DDX43: variants seen among roughly 807,000 people sequenced by gnomAD.
DDX43 encodes the protein DEAD-box helicase 43, also known as probable ATP-dependent RNA helicase DDX43.
In DDX43, 50 loss-of-function variants were observed where a neutral mutation model predicts 84.9. The ratio of observed to expected loss-of-function variants is 0.59; its 90% CI spans 0.47 to 0.75. The LOEUF (loss-of-function observed/expected upper bound fraction) is 0.75. DDX43 is among the 30% of genes least tolerant of loss of function. The pLI is 0.00. For missense variants in DDX43, 689 were observed against 798.6 expected (o/e 0.86, Z 1.65); for synonymous variants, 291 against 266.3 (o/e 1.09, Z -0.90).
At chr6:73,395,617 TAAA>T (rs760280152) in intron 1 of DDX43, among the ~76,000 whole-genome samples, 3 of 133,604 alleles carry the variant, frequency 2.2e-5, no homozygotes, top group Admixed American at 1.5e-4. Context: ...CCGTCTCAAT[TAAA>T]AAAAAAAAAA....
At position 73,412,356 on chromosome 6, in the gene DDX43, T is replaced by G. The variant is rs564559918; in HGVS notation, c.1368+64T>G. On this transcript the variant is annotated intron_variant, in intron 11 of 16. Coordinates refer to ENST00000370336, the MANE Select transcript of DDX43 (RefSeq NM_018665.3). ...TGAAAATTCTGAAGATAGCTAATTT[T>G]GGTGTGCCTAGTCTGCCCACTCCCC... The G allele has an allele frequency of 9.4e-5, 135 of 1,430,740 alleles. No individual in the cohort carries two copies. In the African/African-American group the frequency reaches 1.8e-3, roughly 19 times the overall value. 88.6% of individuals were successfully genotyped at this position (1,430,740 alleles called of 1,614,324 possible). A position where few individuals can be genotyped will look rare whatever the true frequency, so the allele number is the denominator to read the frequency against.
Position 73,412,637 on chromosome 6 carries a change from T to G in DDX43, c.1368+345T>G, listed in dbSNP as rs1200535020. 4.7e-4 allele frequency among the ~76,000 whole-genome samples: 17 copies of G among 35,902 alleles called. No individual in the cohort carries two copies. The East Asian group carries it at 5.2e-3, about 11-fold the overall frequency. 23.6% of individuals were successfully genotyped at this position (35,902 alleles called of 152,430 possible). On this transcript the variant is annotated intron_variant, in intron 11 of 16. Coordinates refer to ENST00000370336, the MANE Select transcript of DDX43 (RefSeq NM_018665.3). ...CCTGGGTTCAAGTGATATATATATATAGTGTGTGTGTGTGTGTGTGTGTGT... is the reference window on the plus strand; with the variant it reads ...CCTGGGTTCAAGTGATATATATATAGAGTGTGTGTGTGTGTGTGTGTGTGT...
chr6:73,410,224 C>T (rs1769757887), intron 10 of DDX43, among the ~76,000 whole-genome samples: 1 of 152,104 alleles, frequency 6.6e-6, no homozygotes, highest in Non-Finnish European at 1.5e-5. Flanking sequence ...TGGAGTGCAG[C>T]AGCGCGATCT....
In DDX43 at chr6:73,412,311, C is replaced by T. The variant is rs1262123444; in HGVS notation, c.1368+19C>T. 1 of 1,585,400 alleles carries T rather than the reference C, an allele frequency of 6.3e-7. No homozygotes were observed. The highest frequency in any genetic ancestry group is 8.6e-7 in the Non-Finnish European group (1 of 1,162,768). ...TCTAGTTGTAAGCTTTTTTTTATTA[C>T]TATTGTTTAACATTTCTTATGAAAA... On this transcript the variant is annotated intron_variant, in intron 11 of 16. Coordinates refer to ENST00000370336, the MANE Select transcript of DDX43 (RefSeq NM_018665.3).
chr6:73,416,759 A>G (rs1339752557), intron 16 of DDX43, among the ~76,000 whole-genome samples: 1 of 152,226 alleles, frequency 6.6e-6, no homozygotes, highest in Non-Finnish European at 1.5e-5. Context: ...TTTGGAGGCC[A>G]TACACAGTGG....
At chr6:73,413,014 C>A (rs1219859316) in intron 11 of DDX43, among the ~76,000 whole-genome samples, 1 of 152,180 alleles carries the variant, frequency 6.6e-6, no homozygotes, top group Non-Finnish European at 1.5e-5. Flanking sequence ...AGGCGTGAGC[C>A]ACCGCACCCA....
chr6:73,396,729 A>G (rs1769482174), intron 1 of DDX43, among the ~76,000 whole-genome samples: 1 of 151,932 alleles, frequency 6.6e-6, no homozygotes, highest in African/African-American at 2.4e-5. Flanking sequence ...ACAGCTCCCC[A>G]TTTTTTCCTG....
At chr6:73,400,476 G>A in intron 3 of DDX43, 113 bp downstream of exon 3, 2 of 1,003,300 alleles carry the variant, frequency 2.0e-6, no homozygotes, top group Non-Finnish European at 2.8e-6. Flanking sequence ...TGCCATAAAT[G>A]CAGTCTTAAT....
At chr6:73,404,110 G>A (rs1054855872) in intron 4 of DDX43, among the ~76,000 whole-genome samples, 3 of 150,474 alleles carry the variant, frequency 2.0e-5, no homozygotes, top group African/African-American at 4.9e-5. Context: ...GTGAGCCGCC[G>A]CCGCCGGCCC....
chr6:73,412,745 G>A (rs1464760808), intron 11 of DDX43, among the ~76,000 whole-genome samples: 1 of 151,084 alleles, frequency 6.6e-6, no homozygotes, highest in African/African-American at 2.4e-5. Flanking sequence ...GTGTGTGTGT[G>A]TGTGTGTCAG....
intron 10 of DDX43, among the ~76,000 whole-genome samples, chr6:73,411,964 C>T (rs1366328867): frequency 2.6e-5 from 4 of 152,210 alleles, no homozygotes; most frequent in Non-Finnish European, 4.4e-5. Flanking sequence ...TCCCGAAGTG[C>T]TGGGATTACA....
At chr6:73,412,625 GAT>G (rs1554236108) in intron 11 of DDX43, among the ~76,000 whole-genome samples, 21 of 129,044 alleles carry the variant, frequency 1.6e-4, no homozygotes, top group East Asian at 4.6e-4. Context: ...GGGTTCAAGT[GAT>G]ATATATATAT....
chr6:73,406,222 A>G (rs1012287010), intron 6 of DDX43, 142 bp from the exon 7 acceptor site: 11 of 518,306 alleles, frequency 2.1e-5, no homozygotes, highest in African/African-American at 3.9e-5. Flanking sequence ...CGGTTTCTCT[A>G]TGTTGGTCAG....
chr6:73,409,376 A>C (rs774374377), intron 10 of DDX43, 28 bp downstream of exon 10: 2 of 1,506,190 alleles, frequency 1.3e-6, no homozygotes, highest in Non-Finnish European at 9.2e-7. Context: ...TACTGTGTGC[A>C]GAATAGAAAT....
intron 6 of DDX43, 131 bp downstream of exon 6, chr6:73,405,966 A>G: frequency 2.4e-6 from 2 of 845,174 alleles, no homozygotes; most frequent in East Asian, 5.7e-5. Flanking sequence ...AGTTCAAAAA[A>G]TCTTTGTTGA....
In DDX43 at chr6:73,409,294, A is replaced by C. The variant is rs1769741573; in HGVS notation, c.1226A>C (p.Gln409Pro). ...ATGTTGGACATGGGATTTGAACCCC[A>C]GATAATGAAGATTTTGTTAGATGTG... ...DKMLDMGFEP[Q>P]IMKILLDVRP... The change falls in exon 10 of 17, where the codon CAG becomes CCG. Residue 409 changes from glutamine to proline, a missense_variant. This residue lies in a region of DDX43 where 552 missense variants were observed against 692.7 expected (regional missense o/e 0.80). Coordinates refer to ENST00000370336, the MANE Select transcript of DDX43 (RefSeq NM_018665.3). 1 of 1,614,048 alleles carries C rather than the reference A, an allele frequency of 6.2e-7. No homozygotes were observed. Among genetic ancestry groups the C allele is most frequent in the African/African-American group, 1.3e-5 (1 of 74,940 alleles).
At chr6:73,412,537 T>C (rs62440595) in intron 11 of DDX43, among the ~76,000 whole-genome samples, 1 of 150,426 alleles carries the variant, frequency 6.6e-6, no homozygotes, top group Non-Finnish European at 1.5e-5. Context: ...TGTGTGTGTG[T>C]TTGTGTCAGA....
chr6:73,412,638 A>ATAGTGT (rs376258603), intron 11 of DDX43, among the ~76,000 whole-genome samples: 4 of 59,712 alleles, frequency 6.7e-5, no homozygotes, highest in Non-Finnish European at 8.2e-5. Context: ...ATATATATAT[A>ATAGTGT]GTGTGTGTGT....
intron 12 of DDX43, 45 bp downstream of exon 12, chr6:73,413,830 T>C: frequency 1.3e-6 from 2 of 1,583,658 alleles, no homozygotes; most frequent in Non-Finnish European, 1.7e-6. Flanking sequence ...ATTAAATTGA[T>C]TAGGATCATT....
Sources: gnomAD v4.1 joint callset for allele counts (sites outside exome capture counted in the v4.1 genomes callset) on GRCh38, gnomAD v4.1.1 for gene constraint, gnomAD v4.1.1 regional missense constraint, MANE v1.5 for transcripts, NCBI Gene and HGNC (gene_info 2026-07-23, HGNC 2026-07-21) for gene names.